PIMREG: variants seen among roughly 807,000 people sequenced by gnomAD.
The protein encoded by PIMREG is protein PIMREG.
A neutral mutation model predicts 24.3 loss-of-function variants in PIMREG; 19 were observed. The ratio of observed to expected loss-of-function variants is 0.78; its 90% CI spans 0.54 to 1.15. PIMREG has a LOEUF of 1.15. Ranked by LOEUF, PIMREG falls within the 50% of genes most tolerant of loss-of-function variation. The probability of loss-of-function intolerance (pLI) is 0.00; values close to 1 mark genes in which losing one functional copy is unlikely to be tolerated. For synonymous variants in PIMREG, 112 were observed against 124.1 expected, an observed-to-expected ratio of 0.90 and a Z score of 0.65; for missense variants, 283 against 306.8, an observed-to-expected ratio of 0.92 and a Z score of 0.58.
intron 5 of PIMREG, 88 bp from the exon 6 acceptor site, chr17:6,450,274 C>T: frequency 7.6e-7 from 1 of 1,313,704 alleles, no homozygotes; most frequent in Non-Finnish European, 1.0e-6. Flanking sequence ...AGCCACCTTC[C>T]AGCACCCCCC....
chr17:6,447,796 T>C (rs753396677), intron 3 of PIMREG, 38 bp downstream of exon 3: 120 of 1,545,636 alleles, frequency 7.8e-5, no homozygotes, highest in Non-Finnish European at 9.7e-5. Flanking sequence ...GCTGGTGGCC[T>C]TTTAACCTGG....
In PIMREG at chr17:6,446,506, A is replaced by G. The variant is rs545827790; in HGVS notation, c.295-957A>G. ...GAAATGAATTTGTCCAAGGTCACATAACTCATCAAATTTAACTTGGGCTTC... is the reference window on the plus strand; with the variant it reads ...GAAATGAATTTGTCCAAGGTCACATGACTCATCAAATTTAACTTGGGCTTC... On this transcript the variant is annotated intron_variant, in intron 2 of 5. Coordinates refer to ENST00000572447, the MANE Select transcript of PIMREG (RefSeq NM_019013.3). Among the ~76,000 whole-genome samples the G allele has an allele frequency of 1.3e-3, 199 of 152,298 alleles. 4 individuals are homozygous for G. The highest frequency in any genetic ancestry group is 0.013 in the Admixed American group (198 of 15,294).
rs1451330340 is a variant in PIMREG at position 6,451,447 on chromosome 17, A to G, written c.*1100A>G. 6.6e-6 allele frequency: 1 copy of G among 152,248 alleles called. No individual in the cohort carries two copies. The highest frequency in any genetic ancestry group is 1.5e-5 in the Non-Finnish European group (1 of 68,048). 9.4% of individuals were successfully genotyped at this position (152,248 alleles called of 1,614,324 possible). On this transcript the variant is annotated 3_prime_UTR_variant, in exon 6 of 6. Transcript: ENST00000572447. ...TGTACAAGGCAGCCATAAGGAATAT[A>G]ATAAACCTTTTTCACCACAGAACCA...
Position 6,447,726 on chromosome 17 carries a change from C to A in PIMREG, c.558C>A (p.Pro186=), listed in dbSNP as rs35213363. The A allele has an allele frequency of 6.1e-4, 984 of 1,612,774 alleles. 4 individuals carry two copies. In the African/African-American group the frequency reaches 0.012, roughly 20 times the overall value. Residue 186 remains proline, a synonymous_variant, in exon 3 of 6, where the codon CCC becomes CCA. Transcript: ENST00000572447. ...GGCGGGAGGCTGCCTTCCGGAGCCCCTACTCCTCAACAGAGCCCCTCTGCT... is the reference window on the plus strand; with the variant it reads ...GGCGGGAGGCTGCCTTCCGGAGCCCATACTCCTCAACAGAGCCCCTCTGCT... ...RSRREAAFRS[P]YSSTEPLCSP...
rs1027404333 is a variant in PIMREG, at chr17:6,450,968, AT to A, written c.*624del. 3 of 152,878 alleles carry A rather than the reference AT, an allele frequency of 2.0e-5. No individual in the cohort carries two copies. The highest frequency in any genetic ancestry group is 4.4e-5 in the Non-Finnish European group (3 of 68,490). 9.5% of individuals were successfully genotyped at this position (152,878 alleles called of 1,614,324 possible). On this transcript the variant is annotated 3_prime_UTR_variant, in exon 6 of 6. Transcript: ENST00000572447. The stretch of plus-strand genomic sequence containing the variant: ...GAGCAATTTCTGCCCTTTGTAAATT[AT>A]TTAAGAAACCTGCTTTGTCATTTTA...
Position 6,446,405 on chromosome 17 carries a change from C to T in PIMREG, c.294+1001C>T, listed in dbSNP as rs574537188. Among the ~76,000 whole-genome samples, 3 of 152,290 alleles carry T rather than the reference C, an allele frequency of 2.0e-5. No homozygotes were observed. The East Asian group carries it at 5.8e-4, about 29-fold the overall frequency. On this transcript the variant is annotated intron_variant, in intron 2 of 5. Transcript: ENST00000572447. ...CTCTTTCTGGACCCTCTGCAGAGAG[C>T]TCTCTGAGCCAAATGTTAGTCCTTA...
At chr17:6,446,372 G>A (rs1275134656) in intron 2 of PIMREG, among the ~76,000 whole-genome samples, 1 of 152,186 alleles carries the variant, frequency 6.6e-6, no homozygotes, top group Non-Finnish European at 1.5e-5. Context: ...TCTCCAGAAA[G>A]TGGGTGGCTC....
At chr17:6,446,505 T>C (rs1435504359) in intron 2 of PIMREG, among the ~76,000 whole-genome samples, 1 of 152,194 alleles carries the variant, frequency 6.6e-6, no homozygotes, top group Admixed American at 6.5e-5. Flanking sequence ...CAAGGTCACA[T>C]AACTCATCAA....
In PIMREG at chr17:6,450,409, A is replaced by G. The variant is rs1298353350; in HGVS notation, c.*62A>G. On this transcript the variant is annotated 3_prime_UTR_variant, in exon 6 of 6. Transcript: ENST00000572447. ...CAAGGCTTCATACTCAAGGATGTCT[A>G]TGCTTCCCCGTGAGCTTCCTGGAAA... is the stretch of plus-strand genomic sequence containing the variant. The G allele has an allele frequency of 6.4e-7, 1 of 1,570,802 alleles. No individual in the cohort carries two copies. Among genetic ancestry groups the G allele is most frequent in the Non-Finnish European group, 8.6e-7 (1 of 1,166,044 alleles).
At chr17:6,449,808 G>A (rs1287923990) in intron 4 of PIMREG, 3 of 1,422,900 alleles carry the variant, frequency 2.1e-6, no homozygotes, top group Admixed American at 2.9e-5. Context: ...CATCCTGGGG[G>A]CAGGGCCTCG....
rs1913518485 is a variant in PIMREG, at chr17:6,445,068, C to G, written c.-35-8C>G. 6.6e-7 allele frequency: 1 copy of G among 1,517,102 alleles called. No homozygotes were observed. Among genetic ancestry groups the G allele is most frequent in the Non-Finnish European group, 8.8e-7 (1 of 1,133,044 alleles). The allele number at this position is 1,517,102 out of a possible 1,614,324, so 94.0% of individuals were successfully genotyped here. ...CCTTGCTGATCTGCCTTTCGCCCTCCTCCCCAGGGTCTAGTGGACAGAGAA... is the reference window on the plus strand; with the variant it reads ...CCTTGCTGATCTGCCTTTCGCCCTCGTCCCCAGGGTCTAGTGGACAGAGAA... On this transcript the variant is annotated splice_polypyrimidine_tract_variant and splice_region_variant and intron_variant, in intron 1 of 5. Transcript: ENST00000572447.
At chr17:6,448,852 C>A (rs1913693156) in intron 3 of PIMREG, among the ~76,000 whole-genome samples, 1 of 152,182 alleles carries the variant, frequency 6.6e-6, no homozygotes. Flanking sequence ...TCTTTGCAAA[C>A]CTGTAAGCTA....
intron 5 of PIMREG, 89 bp downstream of exon 5, chr17:6,450,161 T>C (rs1433854153): frequency 1.4e-6 from 2 of 1,406,332 alleles, no homozygotes; most frequent in Non-Finnish European, 2.0e-6. Flanking sequence ...ACAGAGCTGA[T>C]GGGCACAGCA....
intron 2 of PIMREG, among the ~76,000 whole-genome samples, chr17:6,447,099 T>G (rs373662842): frequency 0.028 from 2,493 of 90,294 alleles, 27 homozygotes; most frequent in Non-Finnish European, 0.054. Context: ...TCACCCTTGG[T>G]TTTTTTTTTT....
Position 6,447,602 on chromosome 17 carries a change from G to A in PIMREG, c.434G>A (p.Gly145Glu), listed in dbSNP as rs1202217070. The A allele has an allele frequency of 3.1e-6, 5 of 1,613,912 alleles. No individual in the cohort carries two copies. The Admixed American group carries it at 5.0e-5, about 16-fold the overall frequency. Residue 145 changes from glycine (G) to glutamate (E), a missense_variant, in exon 3 of 6, where the codon GGA becomes GAA. Transcript: ENST00000572447. ...SLSQKSTRLS[G>E]AAPAHSAADP... ...AGCCAGAAGAGCACCCGGCTGTCTG[G>A]AGCCGCCCCTGCCCACTCAGCCGCA... is the stretch of plus-strand genomic sequence containing the variant.
In PIMREG at chr17:6,447,693, G is replaced by C. The variant is rs780778308; in HGVS notation, c.525G>C (p.Arg175=). ...TGGGCTCACATGCCCACCCATTACG[G>C]CGATCAAGGCGGGAGGCTGCCTTCC... ...VRMGSHAHPL[R]RSRREAAFRS... Residue 175 remains arginine, a synonymous_variant, in exon 3 of 6, where the codon CGG becomes CGC. Coordinates refer to ENST00000572447, the MANE Select transcript of PIMREG (RefSeq NM_019013.3). 8 of 1,614,028 alleles carry C rather than the reference G, an allele frequency of 5.0e-6. No homozygotes were observed. The East Asian group carries it at 1.6e-4, about 31-fold the overall frequency.
In PIMREG at chr17:6,447,582, G is replaced by C. The variant is rs534280809; in HGVS notation, c.414G>C (p.Gln138His). 1 of 1,614,156 alleles carries C rather than the reference G, an allele frequency of 6.2e-7. No homozygotes were observed. Among genetic ancestry groups the C allele is most frequent in the Admixed American group, 1.7e-5 (1 of 60,030 alleles). The part of the protein sequence containing the change: ...GSGSPTHSLS[Q>H]KSTRLSGAAP... ...GATCCCCAACTCACAGCCTGAGCCA[G>C]AAGAGCACCCGGCTGTCTGGAGCCG... The change falls in exon 3 of 6, where the codon CAG (glutamine) becomes CAC (histidine). Residue 138 changes from glutamine to histidine, a missense_variant. Coordinates refer to ENST00000572447, the MANE Select transcript of PIMREG (RefSeq NM_019013.3).
intron 3 of PIMREG, among the ~76,000 whole-genome samples, chr17:6,448,986 G>A (rs1913697651): frequency 2.0e-5 from 3 of 152,248 alleles, no homozygotes; most frequent in Admixed American, 2.0e-4. Flanking sequence ...GTCCGTAAAG[G>A]AAGAGCTGAG....
chr17:6,449,144 TTC>T (rs374453162), intron 3 of PIMREG, among the ~76,000 whole-genome samples, 166 bp from the exon 4 acceptor site: 15 of 152,236 alleles, frequency 9.9e-5, no homozygotes, highest in Admixed American at 9.2e-4. Context: ...GATCTTGATC[TTC>T]TCTCTGTTTG....
Sources: allele counts gnomAD v4.1 joint callset (sites outside exome capture counted in the v4.1 genomes callset), GRCh38; gene constraint gnomAD v4.1.1; transcripts MANE v1.5; gene names NCBI Gene and HGNC (gene_info 2026-07-23, HGNC 2026-07-21).